The following CCDC88A variants were observed in gnomAD, a reference collection of about 807,000 sequenced individuals.
CCDC88A encodes the protein girdin.
Under a neutral mutation model 234.3 loss-of-function variants are expected in CCDC88A, and 54 were observed. The ratio of observed to expected loss-of-function variants is 0.23; its 90% CI spans 0.19 to 0.29. The LOEUF (loss-of-function observed/expected upper bound fraction) is 0.29. Among genes scored for constraint, CCDC88A ranks in the 10% least tolerant of loss-of-function variants. The probability of loss-of-function intolerance (pLI) is 1.00; values close to 1 mark genes in which losing one functional copy is unlikely to be tolerated. For synonymous variants in CCDC88A, 753 were observed against 737.8 expected, an observed-to-expected ratio of 1.02 and a Z score of -0.33; for missense variants, 1,832 against 2,123.4, an observed-to-expected ratio of 0.86 and a Z score of 2.70.
chr2:55,386,566 G>C (rs985566131), intron 3 of CCDC88A, among the ~76,000 whole-genome samples: 38 of 151,470 alleles, frequency 2.5e-4, no homozygotes, highest in African/African-American at 9.2e-4. Flanking sequence ...CTGCTTCCTG[G>C]GTTCAAGTGA....
chr2:55,327,032 T>G (rs955568459), intron 17 of CCDC88A, among the ~76,000 whole-genome samples: 1 of 152,058 alleles, frequency 6.6e-6, no homozygotes, highest in African/African-American at 2.4e-5. Flanking sequence ...GGTTAATGTG[T>G]TTTTTTTGTT....
At chr2:55,367,356 A>G (rs1278868492) in intron 5 of CCDC88A, among the ~76,000 whole-genome samples, 1 of 152,136 alleles carries the variant, frequency 6.6e-6, no homozygotes, top group Non-Finnish European at 1.5e-5. Context: ...ATGTACAGCA[A>G]TCAGAATACC....
chr2:55,341,239 G>A (rs1015653473), intron 12 of CCDC88A, among the ~76,000 whole-genome samples: 4 of 147,468 alleles, frequency 2.7e-5, no homozygotes, highest in South Asian at 4.3e-4. Context: ...TCTGCCTCTC[G>A]GGTTCAAGCG....
intron 22 of CCDC88A, chr2:55,313,399 T>G (rs1399507350): frequency 1.3e-5 from 2 of 152,190 alleles, no homozygotes; most frequent in Non-Finnish European, 2.9e-5. Context: ...ACCTTAAAAG[T>G]CTGTGTATAG....
chr2:55,384,622 T>TATATATATATGTGTATATACAC (rs1675261953), intron 3 of CCDC88A, among the ~76,000 whole-genome samples: 1 of 26,286 alleles, frequency 3.8e-5, no homozygotes, highest in Non-Finnish European at 6.5e-5. Context: ...TATATATACG[T>TATATATATATGTGTATATACAC]ATATATATGT....
At chr2:55,291,934 G>A (rs1251550022) in intron 31 of CCDC88A, 159 bp from the exon 32 acceptor site, 7 of 491,544 alleles carry the variant, frequency 1.4e-5, no homozygotes, top group South Asian at 9.7e-5. Flanking sequence ...CTTAAAGATC[G>A]ATTTTTATAT....
At chr2:55,374,952 C>G (rs1342793983) in intron 3 of CCDC88A, 69 bp from the exon 4 acceptor site, 3 of 945,786 alleles carry the variant, frequency 3.2e-6, no homozygotes, top group Non-Finnish European at 5.0e-6. Context: ...CAAGCTATAA[C>G]TTATGATTTG....
intron 12 of CCDC88A, chr2:55,340,349 C>A (rs1431055781): frequency 1.3e-5 from 2 of 152,162 alleles, no homozygotes; most frequent in Non-Finnish European, 2.9e-5. Context: ...AATTCTTCTT[C>A]ATAAAAACCA....
At chr2:55,416,100 T>C (rs943701017) in intron 2 of CCDC88A, among the ~76,000 whole-genome samples, 1 of 151,540 alleles carries the variant, frequency 6.6e-6, no homozygotes, top group Non-Finnish European at 1.5e-5. Flanking sequence ...TTAGCAGACA[T>C]AGACATTAAG....
chr2:55,291,718 C>T lies in CCDC88A; in HGVS notation c.5609G>A (p.Ser1870Asn), dbSNP rs937876301. The T allele has an allele frequency of 6.2e-7, 1 of 1,608,520 alleles. No homozygotes were observed. The highest frequency in any genetic ancestry group is 1.3e-5 in the African/African-American group (1 of 74,816). The change falls in exon 32 of 33, where the codon AGC (serine) becomes AAC (asparagine). Residue 1870 changes from serine to asparagine, a missense_variant. By Grantham distance (46) the Ser-to-Asn change is conservative. Transcript: ENST00000436346. ...NSKSRSREQQ[S>N]S ...ATGTAGTGGGTAATAGAATTAGGAG[C>T]TTTGTTGCTCCCTAGACCTGCTTTT...
At chr2:55,293,810 A>G (rs887218840) in intron 31 of CCDC88A, 3 of 152,112 alleles carry the variant, frequency 2.0e-5, no homozygotes, top group Admixed American at 6.6e-5. Context: ...GTTTTTAGCA[A>G]TCTGGGAGTT....
chr2:55,296,603 G>A, intron 29 of CCDC88A, 80 bp from the exon 30 acceptor site: 10 of 1,382,290 alleles, frequency 7.2e-6, no homozygotes, highest in Non-Finnish European at 1.0e-5. Flanking sequence ...TTTGTTGACT[G>A]TGTGCTAATT....
chr2:55,401,434 C>CAAAAAAAAAAA lies in CCDC88A; in HGVS notation c.165-12559_165-12549dup, dbSNP rs1174693653. ...GGATGACAGAGAAAGACTCTGTCTC[C>CAAAAAAAAAAA]AAAAAAAAAAAAAATATATATATAT... On this transcript the variant is annotated intron_variant, in intron 2 of 32. Transcript: ENST00000436346. Among the ~76,000 whole-genome samples, 6 of 45,806 alleles carry CAAAAAAAAAAA rather than the reference C, an allele frequency of 1.3e-4. 1 individual carries two copies. The highest frequency in any genetic ancestry group is 7.8e-4 in the Admixed American group (2 of 2,570). 30.1% of individuals were successfully genotyped at this position (45,806 alleles called of 152,430 possible).
At chr2:55,388,205 T>G (rs1320863982) in intron 3 of CCDC88A, among the ~76,000 whole-genome samples, 2 of 152,016 alleles carry the variant, frequency 1.3e-5, no homozygotes, top group African/African-American at 4.8e-5. Flanking sequence ...TGACCAAAAA[T>G]CAAAAGCAAA....
intron 3 of CCDC88A, among the ~76,000 whole-genome samples, chr2:55,384,891 C>T (rs1675339805): frequency 6.6e-6 from 1 of 151,650 alleles, no homozygotes; most frequent in Non-Finnish European, 1.5e-5. Flanking sequence ...TCCAGACCTC[C>T]AGTGATCCAC....
intron 3 of CCDC88A, among the ~76,000 whole-genome samples, chr2:55,383,368 C>A (rs944615029): frequency 2.6e-5 from 4 of 152,012 alleles, no homozygotes; most frequent in Non-Finnish European, 4.4e-5. Context: ...CCTGTAGTCC[C>A]AGCATTTTGG....
chr2:55,380,893 G>A (rs1674478129), intron 3 of CCDC88A, among the ~76,000 whole-genome samples: 2 of 152,192 alleles, frequency 1.3e-5, no homozygotes, highest in Admixed American at 6.5e-5. Flanking sequence ...TGGGATTACA[G>A]GCATGAGCCA....
At chr2:55,344,341 G>A (rs1458854243) in intron 11 of CCDC88A, 27 bp downstream of exon 11, 1 of 1,506,050 alleles carries the variant, frequency 6.6e-7, no homozygotes, top group South Asian at 1.4e-5. Flanking sequence ...TAAAGGCCAT[G>A]TAACTGATCT....
chr2:55,360,064 T>G (rs188660207), intron 7 of CCDC88A, among the ~76,000 whole-genome samples: 126 of 152,274 alleles, frequency 8.3e-4, no homozygotes, highest in Non-Finnish European at 1.3e-3. Context: ...TTCATGCAGA[T>G]TTAATAAAAC....
Sources: gnomAD v4.1 joint callset for allele counts (sites outside exome capture counted in the v4.1 genomes callset) on GRCh38, gnomAD v4.1.1 for gene constraint, MANE v1.5 for transcripts, NCBI Gene and HGNC (gene_info 2026-07-23, HGNC 2026-07-21) for gene names.